The following SUPT7L variants were observed in gnomAD, a reference collection of about 807,000 sequenced individuals.
SUPT7L encodes STAGA complex 65 subunit gamma.
A neutral mutation model predicts 35.7 loss-of-function variants in SUPT7L; 15 were observed. The ratio of observed to expected loss-of-function variants is 0.42; its 90% CI spans 0.28 to 0.65. The LOEUF is 0.65. SUPT7L is among the 30% of genes least tolerant of loss of function. SUPT7L has a pLI of 0.23. For missense variants in SUPT7L, 434 were observed against 522.2 expected (o/e 0.83, Z 1.65); for synonymous variants, 168 against 186.2 (o/e 0.90, Z 0.79).
chr2:27,661,760 ACT>A, intron 2 of SUPT7L: 1 of 531,902 alleles, frequency 1.9e-6, no homozygotes, highest in Non-Finnish European at 2.8e-6. Context: ...CATCTCACTC[ACT>A]AACTCATTAC....
intron 2 of SUPT7L, 179 bp downstream of exon 2, chr2:27,662,000 C>T: frequency 1.3e-6 from 1 of 760,108 alleles, no homozygotes; most frequent in Non-Finnish European, 2.1e-6. Context: ...GAGATTTCTG[C>T]TGCCTTCTAA....
intron 3 of SUPT7L, 54 bp downstream of exon 3, chr2:27,660,930 G>A (rs1403805026): frequency 1.9e-6 from 3 of 1,556,534 alleles, no homozygotes; most frequent in South Asian, 1.2e-5. Flanking sequence ...GGCTTAACAG[G>A]GTTGTTGGGA....
At chr2:27,654,283 C>T (rs971082637) in intron 5 of SUPT7L, among the ~76,000 whole-genome samples, 1 of 152,202 alleles carries the variant, frequency 6.6e-6, no homozygotes, top group African/African-American at 2.4e-5. Flanking sequence ...CTTTGGCCCT[C>T]GCATCTCTCT....
rs941519638 is a variant in SUPT7L at position 27,652,759 on chromosome 2, C to G, written c.*726G>C. ...CTCACAAAGGAGAAAAGGAAAGAAA[C>G]AATTGAAAATATGTATATGGTGAAA... On this transcript the variant is annotated 3_prime_UTR_variant, in exon 6 of 6. Coordinates refer to ENST00000337768, the MANE Select transcript of SUPT7L (RefSeq NM_014860.3). The G allele has an allele frequency of 2.0e-5, 3 of 152,640 alleles. No individual in the cohort carries two copies. The highest frequency in any genetic ancestry group is 4.4e-5 in the Non-Finnish European group (3 of 68,042). 9.5% of individuals were successfully genotyped at this position (152,640 alleles called of 1,614,324 possible).
chr2:27,662,205 T>G lies in SUPT7L; in HGVS notation c.-13A>C. The G allele has an allele frequency of 6.2e-7, 1 of 1,614,090 alleles. No individual in the cohort carries two copies. The highest frequency in any genetic ancestry group is 8.5e-7 in the Non-Finnish European group (1 of 1,179,946). On this transcript the variant is annotated 5_prime_UTR_variant, in exon 2 of 6. Transcript: ENST00000337768. ...TTTGCAGATTCATTGTCCATATGTC[T>G]CTTCAAGTTCAACAAACATTTATCA...
Position 27,652,959 on chromosome 2 carries a change from CTAAT to C in SUPT7L, c.*522_*525del, listed in dbSNP as rs1331836434. The C allele has an allele frequency of 5.1e-5, 8 of 155,822 alleles. No individual in the cohort carries two copies. Among genetic ancestry groups the C allele is most frequent in the African/African-American group, 1.4e-4 (6 of 41,554 alleles). The allele number at this position is 155,822 out of a possible 1,614,324, so 9.7% of individuals were successfully genotyped here. On this transcript the variant is annotated 3_prime_UTR_variant, in exon 6 of 6. Coordinates refer to ENST00000337768, the MANE Select transcript of SUPT7L (RefSeq NM_014860.3). ...AGCAAAAACAGTTTTAAGAAGGTGA[CTAAT>C]AGATAAGGTGTGTTGTGTTTAGCTA...
downstream of SUPT7L, among the ~76,000 whole-genome samples, chr2:27,646,850 A>G (rs1674257820): frequency 6.6e-6 from 1 of 152,148 alleles, no homozygotes; most frequent in Non-Finnish European, 1.5e-5. Flanking sequence ...TGGGTTTACC[A>G]GTTAAGTGTA....
chr2:27,646,740 AT>A (rs955537738), downstream of SUPT7L, among the ~76,000 whole-genome samples: 4 of 148,464 alleles, frequency 2.7e-5, no homozygotes, highest in African/African-American at 7.4e-5. Context: ...CAACACTAGC[AT>A]TTTTTTTTTC....
Position 27,653,584 on chromosome 2 carries a change from A to G in SUPT7L, c.1146T>C (p.Asp382=). 6.2e-7 allele frequency: 1 copy of G among 1,614,228 alleles called. No individual in the cohort carries two copies. The highest frequency in any genetic ancestry group is 8.5e-7 in the Non-Finnish European group (1 of 1,180,042). ...MSEAGIPQSP[D]DSDSSYGSHS... ...GGGAACCATAGCTGCTATCTGAGTC[A>G]TCAGGGCTCTGAGGAATCCCAGCTT... Residue 382 remains aspartate (D), a synonymous_variant, in exon 6 of 6, where the codon GAT becomes GAC. Transcript: ENST00000337768.
At chr2:27,650,735 C>G (rs534034295), downstream of SUPT7L, 1 of 152,938 alleles carries the variant, frequency 6.5e-6, no homozygotes, top group South Asian at 2.1e-4. Context: ...ATGCCTCACA[C>G]TGTATAGCTC....
At chr2:27,645,303 G>GC in the SUPT7L span, among the ~76,000 whole-genome samples, 1 of 152,048 alleles carries the variant, frequency 6.6e-6, no homozygotes, top group South Asian at 2.1e-4. Flanking sequence ...GCTTTGGTGA[G>GC]CAAGGACTCC....
downstream of SUPT7L, chr2:27,650,172 C>G (rs369860605): frequency 3.6e-5 from 57 of 1,601,388 alleles, no homozygotes; most frequent in Non-Finnish European, 4.7e-5. Context: ...GAATCGATGG[C>G]ACAATACTGG....
In SUPT7L at chr2:27,652,946, T is replaced by A. The variant is rs1674626066; in HGVS notation, c.*539A>T. On this transcript the variant is annotated 3_prime_UTR_variant, in exon 6 of 6. Coordinates refer to ENST00000337768, the MANE Select transcript of SUPT7L (RefSeq NM_014860.3). ...ACACTTCAAAAGTAGCAAAAACAGT[T>A]TTAAGAAGGTGACTAATAGATAAGG... 6.5e-6 allele frequency: 1 copy of A among 154,930 alleles called. No homozygotes were observed. Among genetic ancestry groups the A allele is most frequent in the Non-Finnish European group, 1.4e-5 (1 of 69,776 alleles). 9.6% of individuals were successfully genotyped at this position (154,930 alleles called of 1,614,324 possible).
Position 27,652,303 on chromosome 2 carries a change from T to C in SUPT7L, c.*1182A>G, listed in dbSNP as rs1674595311. On this transcript the variant is annotated 3_prime_UTR_variant, in exon 6 of 6. Coordinates refer to ENST00000337768, the MANE Select transcript of SUPT7L (RefSeq NM_014860.3). ...TCATTTATTCTCAATACCTGGGACA[T>C]TTAAGGCATTCAATAATGAATTAAA... The C allele has an allele frequency of 6.6e-6, 1 of 152,372 alleles. No homozygotes were observed. Among genetic ancestry groups the C allele is most frequent in the Admixed American group, 6.5e-5 (1 of 15,278 alleles). 9.4% of individuals were successfully genotyped at this position (152,372 alleles called of 1,614,324 possible). A position where few individuals can be genotyped will look rare whatever the true frequency, so the allele number is the denominator to read the frequency against.
chr2:27,655,204 C>G (rs1364308778), intron 5 of SUPT7L, among the ~76,000 whole-genome samples, 161 bp downstream of exon 5: 1 of 152,200 alleles, frequency 6.6e-6, no homozygotes, highest in Non-Finnish European at 1.5e-5. Context: ...GAGAAGAATG[C>G]TGGGATCTCT....
intron 2 of SUPT7L, chr2:27,661,717 A>C (rs1558502080): frequency 2.2e-6 from 2 of 897,688 alleles, no homozygotes; most frequent in Non-Finnish European, 3.0e-6. Context: ...CAATAGCTAC[A>C]ACAGCATCTG....
chr2:27,649,523 C>T (rs1674417762), downstream of SUPT7L, among the ~76,000 whole-genome samples: 1 of 151,946 alleles, frequency 6.6e-6, no homozygotes, highest in African/African-American at 2.4e-5. Flanking sequence ...CCTCATGCCC[C>T]TTTTTTTTCA....
At chr2:27,661,554 T>C in intron 2 of SUPT7L, 166 bp from the exon 3 acceptor site, 2 of 1,433,140 alleles carry the variant, frequency 1.4e-6, no homozygotes, top group South Asian at 3.0e-5. Context: ...TGTGACCACT[T>C]AGAAAAATGT....
chr2:27,662,644 G>C (rs1675168788), intron 1 of SUPT7L, among the ~76,000 whole-genome samples: 4 of 152,058 alleles, frequency 2.6e-5, no homozygotes, highest in African/African-American at 9.7e-5. Flanking sequence ...AGTTATCCTT[G>C]GATTTTAATT....
Sources: gnomAD v4.1 joint callset for allele counts (sites outside exome capture counted in the v4.1 genomes callset) on GRCh38, gnomAD v4.1.1 for gene constraint, MANE v1.5 for transcripts, NCBI Gene and HGNC (gene_info 2026-07-23, HGNC 2026-07-21) for gene names.